ADAM32: variants seen among roughly 807,000 people sequenced by gnomAD.
The protein encoded by ADAM32 is disintegrin and metalloproteinase domain-containing protein 32.
ADAM32 carries 89 observed loss-of-function variants against 114.9 expected under a neutral mutation model. That is an observed-to-expected ratio of 0.77 (90% CI 0.65 to 0.92). ADAM32 has a LOEUF of 0.92. Among genes scored for constraint, ADAM32 ranks in the 40% least tolerant of loss-of-function variants. ADAM32 has a pLI of 0.00. For synonymous variants in ADAM32, 285 were observed against 307.5 expected, an observed-to-expected ratio of 0.93 and a Z score of 0.77; for missense variants, 870 against 932.8, an observed-to-expected ratio of 0.93 and a Z score of 0.88.
chr8:39,227,813 C>G (rs1288007180), intron 14 of ADAM32, among the ~76,000 whole-genome samples: 1 of 152,208 alleles, frequency 6.6e-6, no homozygotes, highest in Non-Finnish European at 1.5e-5. Flanking sequence ...ACTGGTCCCT[C>G]TCCATACTAC....
chr8:39,281,134 A>G lies in ADAM32; in HGVS notation c.2280-2A>G. 2.3e-6 allele frequency: 3 copies of G among 1,328,110 alleles called. No homozygotes were observed. Among genetic ancestry groups the G allele is most frequent in the Non-Finnish European group, 3.0e-6 (3 of 1,016,006 alleles). The allele number at this position is 1,328,110 out of a possible 1,614,324, so 82.3% of individuals were successfully genotyped here. On this transcript the variant is annotated splice_acceptor_variant, in intron 22 of 24. Coordinates refer to ENST00000379907, the MANE Select transcript of ADAM32 (RefSeq NM_145004.7). LOFTEE classifies it high-confidence loss of function. Reference sequence around the variant, plus strand: ...TATATATTGTTTTTAATTTATTTTTAGATCCAAATCAGAAGATAGTGCTGA... The same window carrying G: ...TATATATTGTTTTTAATTTATTTTTGGATCCAAATCAGAAGATAGTGCTGA...
At chr8:39,126,011 G>A (rs112554348) in intron 2 of ADAM32, among the ~76,000 whole-genome samples, 9 of 152,146 alleles carry the variant, frequency 5.9e-5, no homozygotes, top group East Asian at 1.9e-4. Flanking sequence ...ATTCTGTTCC[G>A]TTGGTCAATG....
At chr8:39,262,414 T>G (rs888682959) in intron 19 of ADAM32, among the ~76,000 whole-genome samples, 2 of 152,214 alleles carry the variant, frequency 1.3e-5, no homozygotes, top group African/African-American at 4.8e-5. Context: ...AAGTGTCTGT[T>G]TTCATGCCAG....
chr8:39,211,284 G>A lies in ADAM32; in HGVS notation c.1193G>A (p.Arg398Lys). The A allele has an allele frequency of 6.3e-7, 1 of 1,587,436 alleles. No homozygotes were observed. The highest frequency in any genetic ancestry group is 1.3e-5 in the African/African-American group (1 of 74,130). Residue 398 changes from arginine (R) to lysine (K), a missense_variant, in exon 12 of 25, where the codon AGA becomes AAA. Transcript: ENST00000379907. Reference sequence around the variant, plus strand: ...CCGAAACCAGTCTGTGGCAATGGCAGATTGGAGGGAAATGAAATCTGTGAT... The same window carrying A: ...CCGAAACCAGTCTGTGGCAATGGCAAATTGGAGGGAAATGAAATCTGTGAT... ...KSPKPVCGNG[R>K]LEGNEICDCG... is the part of the protein sequence containing the mutation.
intron 16 of ADAM32, among the ~76,000 whole-genome samples, chr8:39,242,614 A>C (rs915484720): frequency 3.3e-5 from 5 of 152,134 alleles, no homozygotes; most frequent in African/African-American, 1.2e-4. Context: ...GAGCACAGGA[A>C]AGACCTGCCT....
intron 2 of ADAM32, among the ~76,000 whole-genome samples, chr8:39,119,695 A>G (rs1171306895): frequency 6.6e-6 from 1 of 151,808 alleles, no homozygotes; most frequent in Non-Finnish European, 1.5e-5. Context: ...AAACATTTTC[A>G]ATTTTGATGA....
intron 2 of ADAM32, among the ~76,000 whole-genome samples, chr8:39,120,537 A>G (rs1035272156): frequency 1.3e-5 from 2 of 152,082 alleles, no homozygotes; most frequent in Admixed American, 6.6e-5. Context: ...TGACGTGGGC[A>G]GATTACCTGA....
chr8:39,254,639 A>G (rs2129450520), intron 18 of ADAM32, 123 bp downstream of exon 18: 1 of 674,860 alleles, frequency 1.5e-6, no homozygotes, highest in Non-Finnish European at 2.3e-6. Context: ...AGGTAATCAG[A>G]ATTCTCTCAA....
intron 11 of ADAM32, among the ~76,000 whole-genome samples, chr8:39,197,233 T>C (rs919184682): frequency 2.0e-5 from 3 of 152,100 alleles, no homozygotes; most frequent in African/African-American, 7.2e-5. Context: ...CATTTTTTCT[T>C]GTTTAGTCTA....
intron 10 of ADAM32, among the ~76,000 whole-genome samples, chr8:39,183,100 C>T (rs537373492): frequency 3.5e-4 from 54 of 152,310 alleles, no homozygotes; most frequent in African/African-American, 1.2e-3. Flanking sequence ...AGGTTGTCTT[C>T]CCTGGCTAGG....
intron 2 of ADAM32, among the ~76,000 whole-genome samples, chr8:39,119,020 A>G (rs576943246): frequency 6.6e-5 from 10 of 152,268 alleles, no homozygotes; most frequent in African/African-American, 2.4e-4. Flanking sequence ...AAGCTTTTGT[A>G]TTAGACTTTT....
intron 2 of ADAM32, among the ~76,000 whole-genome samples, chr8:39,136,251 C>A (rs1297598177): frequency 6.6e-6 from 1 of 152,134 alleles, no homozygotes; most frequent in Non-Finnish European, 1.5e-5. Context: ...GACAATACAT[C>A]TTAGGAGGGT....
chr8:39,237,912 C>T (rs1810288394), intron 16 of ADAM32, among the ~76,000 whole-genome samples: 1 of 152,174 alleles, frequency 6.6e-6, no homozygotes, highest in African/African-American at 2.4e-5. Flanking sequence ...TGTATTCCCC[C>T]TATACTACTA....
At chr8:39,214,862 TG>T (rs1389594671) in intron 12 of ADAM32, among the ~76,000 whole-genome samples, 1 of 152,150 alleles carries the variant, frequency 6.6e-6, no homozygotes, top group Non-Finnish European at 1.5e-5. Context: ...ATTTGATTTT[TG>T]TATATGGTGA....
At chr8:39,173,033 G>A (rs980090258) in intron 10 of ADAM32, among the ~76,000 whole-genome samples, 1 of 152,218 alleles carries the variant, frequency 6.6e-6, no homozygotes, top group Non-Finnish European at 1.5e-5. Context: ...GCTGAGGCGG[G>A]TGGATCACGA....
chr8:39,221,689 GCAAAGACTGT>G lies in ADAM32; in HGVS notation c.1317_1326del (p.Asp440PhefsTer33), dbSNP rs754629601. ...GCAAAATGTTATAAAGGACTGTGCT[GCAAAGACTGT>G]CAAGTAAGATTTAAGCTTATGAACA... On this transcript the variant is annotated frameshift_variant, in exon 13 of 25. Coordinates refer to ENST00000379907, the MANE Select transcript of ADAM32 (RefSeq NM_145004.7). LOFTEE classifies it high-confidence loss of function. 2 of 1,609,824 alleles carry G rather than the reference GCAAAGACTGT, an allele frequency of 1.2e-6. No individual in the cohort carries two copies. The highest frequency in any genetic ancestry group is 4.5e-5 in the East Asian group (2 of 44,710).
chr8:39,245,117 C>T (rs1810821988), intron 16 of ADAM32, among the ~76,000 whole-genome samples: 1 of 152,160 alleles, frequency 6.6e-6, no homozygotes, highest in African/African-American at 2.4e-5. Context: ...TGGAATCCTA[C>T]TCAGCCTTAA....
At chr8:39,173,624 C>G (rs781715973) in intron 10 of ADAM32, among the ~76,000 whole-genome samples, 40 of 152,212 alleles carry the variant, frequency 2.6e-4, no homozygotes, top group Middle Eastern at 3.4e-3. Context: ...TCTATTCACT[C>G]AGATGATAGT....
rs115439610 is a variant in ADAM32 at position 39,176,641 on chromosome 8, G to T, written c.915+6644G>T. ...GATTTTAGAGTAAGTACTGTGTGGCGATGAGAAGAATGTATATTCTCTTGA... is the reference window on the plus strand; with the variant it reads ...GATTTTAGAGTAAGTACTGTGTGGCTATGAGAAGAATGTATATTCTCTTGA... On this transcript the variant is annotated intron_variant, in intron 10 of 24. Transcript: ENST00000379907. Among the ~76,000 whole-genome samples, 782 of 152,206 alleles carry T rather than the reference G, an allele frequency of 5.1e-3. 5 individuals are homozygous for T. The highest frequency in any genetic ancestry group is 0.018 in the African/African-American group (751 of 41,504).
Sources: allele counts gnomAD v4.1 joint callset (sites outside exome capture counted in the v4.1 genomes callset), GRCh38; gene constraint gnomAD v4.1.1; transcripts MANE v1.5; gene names NCBI Gene and HGNC (gene_info 2026-07-23, HGNC 2026-07-21).